Variants in ST6GALNAC3 observed in about 807,000 individuals in gnomAD.
ST6GALNAC3 encodes alpha-N-acetylgalactosaminide alpha-2,6-sialyltransferase 3.
ST6GALNAC3 carries 25 observed loss-of-function variants against 32.7 expected under a neutral mutation model. That is an observed-to-expected ratio of 0.76 (90% confidence interval 0.56 to 1.07). The LOEUF is 1.07. ST6GALNAC3 is among the 50% of genes least tolerant of loss of function. The probability of loss-of-function intolerance (pLI) is 0.00; values close to 1 mark genes in which losing one functional copy is unlikely to be tolerated. For missense variants in ST6GALNAC3, 355 were observed against 382.4 expected (o/e 0.93, Z 0.60); for synonymous variants, 129 against 133.1 (o/e 0.97, Z 0.21).
chr1:76,568,538 A>G (rs1406364826), intron 3 of ST6GALNAC3, among the ~76,000 whole-genome samples: 4 of 152,176 alleles, frequency 2.6e-5, no homozygotes, highest in Non-Finnish European at 5.9e-5. Flanking sequence ...TGGAATCTCT[A>G]CAGGAGCCCG....
chr1:76,462,077 G>A (rs1283594181), intron 3 of ST6GALNAC3, among the ~76,000 whole-genome samples: 1 of 152,012 alleles, frequency 6.6e-6, no homozygotes, highest in Non-Finnish European at 1.5e-5. Context: ...TTCTGCAGCT[G>A]TTGTCATCGA....
Position 76,633,255 on chromosome 1 carries a change from T to A in ST6GALNAC3, c.*4449T>A, listed in dbSNP as rs945576029. ...GACAGAAGAGTAGCTGGAAAAAGAA[T>A]GCCTAACTGATTTACTAAAGAGTCT... On this transcript the variant is annotated 3_prime_UTR_variant, in exon 5 of 5. Transcript: ENST00000328299. 15 of 152,210 alleles carry A rather than the reference T, an allele frequency of 9.9e-5. No homozygotes were observed. Among genetic ancestry groups the A allele is most frequent in the African/African-American group, 4.8e-5 (2 of 41,454 alleles). 9.4% of individuals were successfully genotyped at this position (152,210 alleles called of 1,614,324 possible).
intron 3 of ST6GALNAC3, among the ~76,000 whole-genome samples, chr1:76,582,110 T>A (rs315032): frequency 0.098 from 14,873 of 152,186 alleles, 1,462 homozygotes; most frequent in East Asian, 0.26. Context: ...TAGACCATTT[T>A]ATTCAGAATA....
intron 1 of ST6GALNAC3, among the ~76,000 whole-genome samples, chr1:76,142,423 G>T (rs969508756): frequency 6.6e-6 from 1 of 152,108 alleles, no homozygotes; most frequent in Non-Finnish European, 1.5e-5. Context: ...CTAGGGTGTT[G>T]TCTACACCTG....
intron 1 of ST6GALNAC3, among the ~76,000 whole-genome samples, chr1:76,114,282 C>T (rs183094608): frequency 3.7e-4 from 56 of 152,196 alleles, no homozygotes; most frequent in African/African-American, 1.2e-3. Flanking sequence ...TAAGGAGTCC[C>T]ATCATGGTTT....
chr1:76,281,169 G>A (rs747053968), intron 1 of ST6GALNAC3, among the ~76,000 whole-genome samples: 16 of 152,162 alleles, frequency 1.1e-4, no homozygotes, highest in Middle Eastern at 3.4e-3. Context: ...CTTAATTCAA[G>A]CTTTTTTCTC....
At chr1:76,327,073 A>G (rs1192771660) in intron 2 of ST6GALNAC3, among the ~76,000 whole-genome samples, 1 of 152,138 alleles carries the variant, frequency 6.6e-6, no homozygotes, top group Admixed American at 6.5e-5. Flanking sequence ...TTCTAAAATA[A>G]TGCCTATGTG....
At chr1:76,205,742 G>A (rs984764750) in intron 1 of ST6GALNAC3, among the ~76,000 whole-genome samples, 2 of 152,202 alleles carry the variant, frequency 1.3e-5, no homozygotes, top group Non-Finnish European at 2.9e-5. Context: ...TATGTTATCT[G>A]ATGCTGCTGA....
In ST6GALNAC3 at chr1:76,331,070, A is replaced by G. The variant is rs558335272; in HGVS notation, c.213+17071A>G. On this transcript the variant is annotated intron_variant, in intron 2 of 4. Transcript: ENST00000328299. Reference sequence around the variant, plus strand: ...AAATGAATACTGGGTACCAGTAGACAATATCTAGCATACTCGTGATAATGA... The same window carrying G: ...AAATGAATACTGGGTACCAGTAGACGATATCTAGCATACTCGTGATAATGA... 3.9e-5 allele frequency among the ~76,000 whole-genome samples: 6 copies of G among 152,294 alleles called. No homozygotes were observed. In the South Asian group the frequency reaches 8.3e-4, roughly 21 times the overall value.
At chr1:76,307,313 T>C (rs553310613) in intron 1 of ST6GALNAC3, among the ~76,000 whole-genome samples, 9 of 152,146 alleles carry the variant, frequency 5.9e-5, no homozygotes, top group Non-Finnish European at 4.4e-5. Flanking sequence ...GAATGAAGGT[T>C]TTATTTATAT....
intron 1 of ST6GALNAC3, among the ~76,000 whole-genome samples, chr1:76,276,649 G>A (rs61771462): frequency 2.7e-3 from 406 of 152,248 alleles, no homozygotes; most frequent in Non-Finnish European, 4.8e-3. Flanking sequence ...TGTTGTGCCT[G>A]CATGGAAGGG....
At chr1:76,287,064 T>G (rs1659823712) in intron 1 of ST6GALNAC3, among the ~76,000 whole-genome samples, 1 of 152,188 alleles carries the variant, frequency 6.6e-6, no homozygotes, top group Non-Finnish European at 1.5e-5. Flanking sequence ...GATGATAACT[T>G]TTTTAAAAAG....
At chr1:76,513,402 T>C (rs1661989618) in intron 3 of ST6GALNAC3, among the ~76,000 whole-genome samples, 1 of 152,166 alleles carries the variant, frequency 6.6e-6, no homozygotes, top group Admixed American at 6.5e-5. Context: ...TTCTATAATG[T>C]GTATTCTTGG....
intron 3 of ST6GALNAC3, among the ~76,000 whole-genome samples, chr1:76,492,640 C>A (rs1415715863): frequency 6.6e-6 from 1 of 152,066 alleles, no homozygotes; most frequent in Non-Finnish European, 1.5e-5. Context: ...GATGCACCAA[C>A]CTAATTTGAA....
chr1:76,544,029 A>C (rs1040943645), intron 3 of ST6GALNAC3, among the ~76,000 whole-genome samples: 3 of 151,656 alleles, frequency 2.0e-5, no homozygotes, highest in African/African-American at 7.3e-5. Context: ...CCATGACCTC[A>C]AGCATCATAT....
At chr1:76,273,156 A>G (rs1049850476) in intron 1 of ST6GALNAC3, among the ~76,000 whole-genome samples, 11 of 152,228 alleles carry the variant, frequency 7.2e-5, no homozygotes, top group African/African-American at 2.4e-4. Context: ...TTAGCTATCC[A>G]GGGGAACATT....
chr1:76,090,275 T>C (rs2100746487), intron 1 of ST6GALNAC3, among the ~76,000 whole-genome samples: 1 of 152,354 alleles, frequency 6.6e-6, no homozygotes, highest in South Asian at 2.1e-4. Context: ...GTTAAGAACT[T>C]TTAAACTAGA....
chr1:76,274,743 AG>A (rs560168812), intron 1 of ST6GALNAC3, among the ~76,000 whole-genome samples: 2 of 152,248 alleles, frequency 1.3e-5, no homozygotes, highest in East Asian at 3.9e-4. Context: ...GATAGGGTGG[AG>A]GGGGGTGCTT....
intron 1 of ST6GALNAC3, among the ~76,000 whole-genome samples, chr1:76,113,408 C>A (rs1031335803): frequency 5.9e-5 from 9 of 151,858 alleles, no homozygotes; most frequent in African/African-American, 2.2e-4. Flanking sequence ...TCTGCAAACG[C>A]AGAACTCCAT....
Sources: allele counts gnomAD v4.1 joint callset (sites outside exome capture counted in the v4.1 genomes callset), GRCh38; gene constraint gnomAD v4.1.1; transcripts MANE v1.5; gene names NCBI Gene and HGNC (gene_info 2026-07-23, HGNC 2026-07-21).